DLGAP1: variants seen among roughly 807,000 people sequenced by gnomAD.
DLGAP1 encodes the protein DLG associated protein 1, also known as disks large-associated protein 1.
Under a neutral mutation model 90.8 loss-of-function variants are expected in DLGAP1, and 11 were observed. The ratio of observed to expected loss-of-function variants is 0.12; its 90% CI spans 0.08 to 0.20. The LOEUF (loss-of-function observed/expected upper bound fraction) is 0.20. DLGAP1 is among the 10% of genes least tolerant of loss of function. The pLI is 1.00. For missense variants in DLGAP1, 1,050 were observed against 1,333.8 expected (o/e 0.79, Z 3.31); for synonymous variants, 558 against 540.7 (o/e 1.03, Z -0.44).
chr18:4,100,430 T>C (rs1391019634), intron 2 of DLGAP1, among the ~76,000 whole-genome samples: 2 of 152,338 alleles, frequency 1.3e-5, no homozygotes, highest in East Asian at 3.9e-4. Context: ...TAATCAGATA[T>C]GCTTCCATCC....
At chr18:3,574,876 A>G (rs11872838) in intron 8 of DLGAP1, among the ~76,000 whole-genome samples, 1 of 148,826 alleles carries the variant, frequency 6.7e-6, no homozygotes, top group Non-Finnish European at 1.5e-5. Context: ...GTGCAGTGGC[A>G]CAATCTTGGC....
intron 1 of DLGAP1, among the ~76,000 whole-genome samples, chr18:4,257,454 G>A (rs1378824862): frequency 6.6e-6 from 1 of 152,060 alleles, no homozygotes; most frequent in Non-Finnish European, 1.5e-5. Context: ...GTTAAATAAG[G>A]AAATTGTTAA....
intron 2 of DLGAP1, among the ~76,000 whole-genome samples, chr18:4,120,999 A>G (rs573908285): frequency 8.5e-5 from 13 of 152,290 alleles, no homozygotes; most frequent in Non-Finnish European, 1.6e-4. Context: ...GGGCACAGAC[A>G]GTGAATGCAT....
intron 7 of DLGAP1, among the ~76,000 whole-genome samples, chr18:3,678,609 T>C (rs2060398290): frequency 6.6e-6 from 1 of 152,152 alleles, no homozygotes; most frequent in East Asian, 1.9e-4. Flanking sequence ...ATAAAATACA[T>C]TTACAATTTC....
At chr18:3,583,868 A>G (rs568126335) in intron 7 of DLGAP1, among the ~76,000 whole-genome samples, 41 of 152,260 alleles carry the variant, frequency 2.7e-4, no homozygotes, top group African/African-American at 9.4e-4. Context: ...GAATTGCTTG[A>G]ACCTGGGGGG....
At chr18:4,362,198 G>C (rs1412474030) in intron 1 of DLGAP1, among the ~76,000 whole-genome samples, 1 of 152,146 alleles carries the variant, frequency 6.6e-6, no homozygotes, top group African/African-American at 2.4e-5. Flanking sequence ...ATTAAAAATA[G>C]AATTCCTTTA....
chr18:4,429,287 A>G (rs1380135999), intron 1 of DLGAP1, among the ~76,000 whole-genome samples: 1 of 152,226 alleles, frequency 6.6e-6, no homozygotes, highest in African/African-American at 2.4e-5. Context: ...ATTAATAAAC[A>G]TAAAGGTATT....
chr18:3,595,624 C>A (rs930505868), intron 7 of DLGAP1, among the ~76,000 whole-genome samples: 3 of 152,168 alleles, frequency 2.0e-5, no homozygotes, highest in Non-Finnish European at 4.4e-5. Flanking sequence ...GAGTCATGGC[C>A]TGCACAGAAC....
chr18:3,676,349 G>A (rs1202360673), intron 7 of DLGAP1, among the ~76,000 whole-genome samples: 1 of 152,164 alleles, frequency 6.6e-6, no homozygotes, highest in Non-Finnish European at 1.5e-5. Flanking sequence ...TATAAAATCT[G>A]GCACATCCAC....
Position 4,132,434 on chromosome 18 carries a change from C to A in DLGAP1, c.-159+18746G>T, listed in dbSNP as rs149108388. 2.3e-3 allele frequency among the ~76,000 whole-genome samples: 345 copies of A among 152,252 alleles called. 2 individuals are homozygous for A. The highest frequency in any genetic ancestry group is 0.02 in the Middle Eastern group (6 of 294). On this transcript the variant is annotated intron_variant, in intron 2 of 12. Transcript: ENST00000315677. Reference sequence around the variant, plus strand: ...TGGTGTCTATGGGTTCAAATTATAGCTCTGCCACTTTCTAGCTGTGTGACC... The same window carrying A: ...TGGTGTCTATGGGTTCAAATTATAGATCTGCCACTTTCTAGCTGTGTGACC...
intron 1 of DLGAP1, among the ~76,000 whole-genome samples, chr18:4,407,385 G>A (rs1817554432): frequency 6.6e-6 from 1 of 152,038 alleles, no homozygotes; most frequent in African/African-American, 2.4e-5. Context: ...AATGAAAGAG[G>A]GAATTTGAAT....
At chr18:4,083,587 A>G (rs1393540100) in intron 2 of DLGAP1, among the ~76,000 whole-genome samples, 1 of 152,222 alleles carries the variant, frequency 6.6e-6, no homozygotes, top group Non-Finnish European at 1.5e-5. Flanking sequence ...GGACAGAAAT[A>G]TAATGAAGCA....
intron 2 of DLGAP1, among the ~76,000 whole-genome samples, chr18:4,114,151 C>A (rs985277490): frequency 5.1e-5 from 6 of 116,562 alleles, no homozygotes; most frequent in Non-Finnish European, 8.7e-5. Flanking sequence ...TTGTCTAATT[C>A]TGTGAAAATG....
intron 1 of DLGAP1, among the ~76,000 whole-genome samples, chr18:4,187,363 G>A (rs1215138215): frequency 1.3e-5 from 2 of 151,994 alleles, no homozygotes; most frequent in Non-Finnish European, 2.9e-5. Flanking sequence ...TTTGCCCAGT[G>A]AACGCTCCTT....
At position 3,499,046 on chromosome 18, in the gene DLGAP1, G is replaced by C. The variant is rs1270377928; in HGVS notation, c.*139C>G. The C allele has an allele frequency of 2.2e-5, 16 of 743,742 alleles. No homozygotes were observed. The highest frequency in any genetic ancestry group is 3.1e-5 in the Non-Finnish European group (15 of 485,448). 46.1% of individuals were successfully genotyped at this position (743,742 alleles called of 1,614,324 possible). On this transcript the variant is annotated 3_prime_UTR_variant, in exon 13 of 13. Coordinates refer to ENST00000315677, the MANE Select transcript of DLGAP1 (RefSeq NM_004746.4). This position sits in a 1 kb window ranked among gnomAD's most constrained non-coding sequence, Gnocchi z 6.4. ...GGGGCCCGGGGGGCGGCTCCTGCGA[G>C]GTGGACAACTACACCGCGACAGTGG...
At chr18:4,123,682 C>T (rs772770608) in intron 2 of DLGAP1, among the ~76,000 whole-genome samples, 7 of 152,154 alleles carry the variant, frequency 4.6e-5, no homozygotes, top group African/African-American at 1.4e-4. Context: ...TGCAATGGAA[C>T]GGCGCCAGCA....
chr18:4,428,789 T>C (rs1361295411), intron 1 of DLGAP1, among the ~76,000 whole-genome samples: 3 of 152,190 alleles, frequency 2.0e-5, no homozygotes, highest in Admixed American at 2.0e-4. Context: ...AGGTATTTCT[T>C]CATAACAGTG....
At chr18:4,433,831 C>T (rs2083341935) in intron 1 of DLGAP1, among the ~76,000 whole-genome samples, 2 of 152,126 alleles carry the variant, frequency 1.3e-5, no homozygotes, top group Admixed American at 1.3e-4. Flanking sequence ...TGTGGATAGG[C>T]TCTAAAAGAG....
chr18:4,451,798 A>G (rs1279066604), intron 1 of DLGAP1, among the ~76,000 whole-genome samples: 1 of 152,132 alleles, frequency 6.6e-6, no homozygotes, highest in Non-Finnish European at 1.5e-5. Context: ...CAACATAAAG[A>G]TTTTTCTACA....
Sources: allele counts gnomAD v4.1 joint callset (sites outside exome capture counted in the v4.1 genomes callset), GRCh38; gene constraint gnomAD v4.1.1; non-coding constraint Gnocchi (gnomAD v3.1); transcripts MANE v1.5; gene names NCBI Gene and HGNC (gene_info 2026-07-23, HGNC 2026-07-21).